The following CNTLN variants were observed in gnomAD, a reference collection of about 807,000 sequenced individuals.
CNTLN encodes centlein.
In CNTLN, 212 loss-of-function variants were observed where a neutral mutation model predicts 180.0. The ratio of observed to expected loss-of-function variants is 1.18; its 90% confidence interval spans 1.05 to 1.32. CNTLN has a LOEUF of 1.32. CNTLN is among the 40% of genes most tolerant of loss of function. CNTLN has a pLI of 0.00. For missense variants in CNTLN, 2,095 were observed against 1,610.9 expected, an observed-to-expected ratio of 1.30 and a Z score of -5.14; for synonymous variants, 722 against 563.1, an observed-to-expected ratio of 1.28 and a Z score of -3.99.
intron 12 of CNTLN, among the ~76,000 whole-genome samples, chr9:17,353,906 C>T (rs10963060): frequency 0.24 from 35,927 of 152,124 alleles, 4,448 homozygotes; most frequent in South Asian, 0.34. Context: ...GGCTGGAGCC[C>T]ACTCCCTCAG....
rs1820726202 is a variant in CNTLN at position 17,332,706 on chromosome 9, C to G, written c.1620C>G (p.Asn540Lys). 6.2e-7 allele frequency: 1 copy of G among 1,604,074 alleles called. No homozygotes were observed. Among genetic ancestry groups the G allele is most frequent in the Non-Finnish European group, 8.5e-7 (1 of 1,176,356 alleles). Reference sequence around the variant, plus strand: ...GAAAAGCTGAAAGAAAGATTGAAAACTTAGAGAAGGCACTACAACTAAAGG... The same window carrying G: ...GAAAAGCTGAAAGAAAGATTGAAAAGTTAGAGAAGGCACTACAACTAAAGG... ...KLRKAERKIE[N>K]LEKALQLKSQ... The change falls in exon 10 of 26, where the codon AAC (asparagine) becomes AAG (lysine). Residue 540 changes from asparagine to lysine, a missense_variant. Coordinates refer to ENST00000380647, the MANE Select transcript of CNTLN (RefSeq NM_017738.4).
intron 8 of CNTLN, among the ~76,000 whole-genome samples, chr9:17,330,397 A>G (rs1380842280): frequency 1.3e-5 from 2 of 151,970 alleles, no homozygotes; most frequent in Admixed American, 1.3e-4. Flanking sequence ...CTTGAAATCT[A>G]TATGACAGCA....
At position 17,395,018 on chromosome 9, in the gene CNTLN, A is replaced by G. The variant is rs1216725110; in HGVS notation, c.2564A>G (p.Asn855Ser). The G allele has an allele frequency of 1.2e-6, 2 of 1,613,220 alleles. No individual in the cohort carries two copies. Among genetic ancestry groups the G allele is most frequent in the Non-Finnish European group, 1.7e-6 (2 of 1,179,452 alleles). The change falls in exon 15 of 26, where the codon AAT (asparagine) becomes AGT (serine). Residue 855 changes from asparagine (N) to serine (S), a missense_variant. Asn to Ser is a conservative substitution (Grantham distance 46). Transcript: ENST00000380647. ...VLNHSIKVMS[N>S]VFENLSKDGW... is the part of the protein sequence containing the mutation. ...AATCATTCCATCAAGGTTATGAGCA[A>G]TGTGTTTGAGAACCTCAGCAAGGAC...
chr9:17,362,112 C>G (rs1257858455), intron 12 of CNTLN, among the ~76,000 whole-genome samples: 1 of 152,092 alleles, frequency 6.6e-6, no homozygotes, highest in Non-Finnish European at 1.5e-5. Context: ...GTGTTCTTTC[C>G]AAAAGAAACA....
chr9:17,299,825 T>C, intron 7 of CNTLN: 15 of 978,588 alleles, frequency 1.5e-5, no homozygotes, highest in Non-Finnish European at 1.8e-5. Flanking sequence ...GCTTGGAACA[T>C]TTTTTTTCTG....
At chr9:17,455,723 G>A (rs35728719) in intron 18 of CNTLN, among the ~76,000 whole-genome samples, 3,938 of 134,282 alleles carry the variant, frequency 0.029, 421 homozygotes, top group African/African-American at 0.12. Flanking sequence ...GGTTTGGGGA[G>A]TGGCAGGCAG....
intron 16 of CNTLN, among the ~76,000 whole-genome samples, chr9:17,413,402 C>T (rs929717016): frequency 6.6e-6 from 1 of 151,860 alleles, no homozygotes; most frequent in African/African-American, 2.4e-5. Flanking sequence ...TAAAAGAAAA[C>T]AACAGTAAAT....
chr9:17,138,455 T>A (rs960685221), intron 1 of CNTLN, among the ~76,000 whole-genome samples: 1 of 152,156 alleles, frequency 6.6e-6, no homozygotes, highest in African/African-American at 2.4e-5. Flanking sequence ...GCAGGCGATG[T>A]TGGAATTGTA....
intron 11 of CNTLN, among the ~76,000 whole-genome samples, chr9:17,341,400 C>T (rs760825791): frequency 1.1e-4 from 17 of 152,218 alleles, no homozygotes; most frequent in Non-Finnish European, 2.1e-4. Context: ...CTACTTCAAC[C>T]TAGTATGCAA....
chr9:17,467,196 C>T (rs148303511), intron 23 of CNTLN, among the ~76,000 whole-genome samples: 3,564 of 151,590 alleles, frequency 0.024, 64 homozygotes, highest in South Asian at 0.058. Context: ...TCCCACCCTA[C>T]TCTCCTTTTG....
intron 25 of CNTLN, among the ~76,000 whole-genome samples, chr9:17,498,396 A>T (rs965221228): frequency 2.6e-5 from 4 of 152,198 alleles, no homozygotes; most frequent in African/African-American, 9.6e-5. Flanking sequence ...ATAGTTGCAT[A>T]CCAGTTCCTA....
At chr9:17,268,460 G>T (rs1386398763) in intron 5 of CNTLN, among the ~76,000 whole-genome samples, 4 of 152,170 alleles carry the variant, frequency 2.6e-5, no homozygotes, top group African/African-American at 9.6e-5. Flanking sequence ...ACTGGGGGGT[G>T]CCTCCCAGTT....
chr9:17,410,366 T>C (rs922104557), intron 16 of CNTLN, among the ~76,000 whole-genome samples: 1 of 152,156 alleles, frequency 6.6e-6, no homozygotes, highest in Non-Finnish European at 1.5e-5. Flanking sequence ...TCTTCAAGTC[T>C]CTGCCCATTT....
At chr9:17,521,804 C>T in the CNTLN span, among the ~76,000 whole-genome samples, 1 of 152,170 alleles carries the variant, frequency 6.6e-6, no homozygotes, top group African/African-American at 2.4e-5. Context: ...AGAGTTTGGG[C>T]TGCTTCAACA....
At chr9:17,434,657 A>C (rs1391815102) in intron 18 of CNTLN, among the ~76,000 whole-genome samples, 1 of 152,090 alleles carries the variant, frequency 6.6e-6, no homozygotes, top group Non-Finnish European at 1.5e-5. Flanking sequence ...TGAATATTTC[A>C]TGGGAACTTG....
intron 2 of CNTLN, among the ~76,000 whole-genome samples, chr9:17,220,772 G>T (rs1426093291): frequency 6.6e-6 from 1 of 152,116 alleles, no homozygotes; most frequent in African/African-American, 2.4e-5. Context: ...CAAAGGACAT[G>T]ATCTTGTTCT....
At chr9:17,209,447 G>A (rs1050365948) in intron 2 of CNTLN, among the ~76,000 whole-genome samples, 16 of 152,318 alleles carry the variant, frequency 1.1e-4, no homozygotes, top group African/African-American at 2.2e-4. Flanking sequence ...TTGTTCTGCA[G>A]TGCAGATGAA....
At chr9:17,490,318 T>A (rs766575422) in intron 25 of CNTLN, among the ~76,000 whole-genome samples, 4 of 152,010 alleles carry the variant, frequency 2.6e-5, no homozygotes, top group Non-Finnish European at 4.4e-5. Flanking sequence ...TACATTCTAA[T>A]GAGTGAATAG....
At chr9:17,437,119 C>T (rs868320420) in intron 18 of CNTLN, among the ~76,000 whole-genome samples, 3 of 152,136 alleles carry the variant, frequency 2.0e-5, no homozygotes, top group African/African-American at 4.8e-5. Flanking sequence ...GGATCATGTT[C>T]GCAAGGCAAA....
Sources: gnomAD v4.1 joint callset for allele counts (sites outside exome capture counted in the v4.1 genomes callset) on GRCh38, gnomAD v4.1.1 for gene constraint, MANE v1.5 for transcripts, NCBI Gene and HGNC (gene_info 2026-07-23, HGNC 2026-07-21) for gene names.